The following EPHB2 variants were observed in gnomAD, a reference collection of about 807,000 sequenced individuals.
EPHB2 encodes ephrin type-B receptor 2.
In EPHB2, 18 loss-of-function variants were observed where a neutral mutation model predicts 96.4. That is an observed-to-expected ratio of 0.19 (90% CI 0.13 to 0.28). The LOEUF (loss-of-function observed/expected upper bound fraction) is 0.28. Ranked by LOEUF, EPHB2 falls within the 10% of genes least tolerant of loss-of-function variation. EPHB2 has a pLI of 1.00. For synonymous variants in EPHB2, 506 were observed against 534.1 expected, an observed-to-expected ratio of 0.95 and a Z score of 0.72; for missense variants, 989 against 1,355.4, an observed-to-expected ratio of 0.73 and a Z score of 4.25.
chr1:22,895,599 C>T lies in EPHB2; in HGVS notation c.1700+19C>T. 1 of 1,611,070 alleles carries T rather than the reference C, an allele frequency of 6.2e-7. No individual in the cohort carries two copies. The highest frequency in any genetic ancestry group is 8.5e-7 in the Non-Finnish European group (1 of 1,177,292). ...GTAACAGGTGGGTGGGGTCTCCAGG[C>T]TTGGCCAGGCCTGGCTGTCCCAGAT... is the stretch of plus-strand genomic sequence containing the variant. On this transcript the variant is annotated intron_variant, in intron 8 of 15. Coordinates refer to ENST00000374630, the MANE Select transcript of EPHB2 (RefSeq NM_017449.5).
At chr1:22,874,030 C>T (rs1369894541) in intron 5 of EPHB2, among the ~76,000 whole-genome samples, 1 of 152,192 alleles carries the variant, frequency 6.6e-6, no homozygotes, top group Non-Finnish European at 1.5e-5. Context: ...GGTAACTTGC[C>T]TGCAGTCACA....
intron 1 of EPHB2, among the ~76,000 whole-genome samples, chr1:22,722,619 AAGAGCC>A (rs1643492370): frequency 6.6e-6 from 1 of 152,210 alleles, no homozygotes; most frequent in Non-Finnish European, 1.5e-5. Flanking sequence ...CCAGGAACGT[AAGAGCC>A]ATCTTGCAGG....
chr1:22,880,269 C>T (rs544099045), intron 5 of EPHB2, among the ~76,000 whole-genome samples: 1 of 152,304 alleles, frequency 6.6e-6, no homozygotes, highest in South Asian at 2.1e-4. Context: ...GCCTTCAAAC[C>T]CCACAGCTGA....
At chr1:22,745,424 C>T (rs1384656021) in intron 1 of EPHB2, among the ~76,000 whole-genome samples, 4 of 152,226 alleles carry the variant, frequency 2.6e-5, no homozygotes, top group African/African-American at 7.2e-5. Context: ...AAGTCAGGAT[C>T]GCGATTGCCT....
At chr1:22,718,685 G>A (rs777859279) in intron 1 of EPHB2, among the ~76,000 whole-genome samples, 13 of 152,158 alleles carry the variant, frequency 8.5e-5, no homozygotes, top group Admixed American at 3.3e-4. Context: ...ACCGCGCCCA[G>A]CAGCTGTCAA....
rs1275680859 is a variant in EPHB2, at chr1:22,920,256, G to A, written c.*6686G>A. 6.6e-6 allele frequency: 1 copy of A among 152,284 alleles called. No homozygotes were observed. Among genetic ancestry groups the A allele is most frequent in the Admixed American group, 6.5e-5 (1 of 15,286 alleles). 9.4% of individuals were successfully genotyped at this position (152,284 alleles called of 1,614,324 possible). A position where few individuals can be genotyped will look rare whatever the true frequency, so the allele number is the denominator to read the frequency against. On this transcript the variant is annotated 3_prime_UTR_variant, in exon 16 of 16. Coordinates refer to ENST00000374630, the MANE Select transcript of EPHB2 (RefSeq NM_017449.5). ...AGTGCCCACTGGCTGGTGGACCTAGGAACCAAGCAGGGCCCCACTGGCTCA... is the reference window on the plus strand; with the variant it reads ...AGTGCCCACTGGCTGGTGGACCTAGAAACCAAGCAGGGCCCCACTGGCTCA...
At chr1:22,889,862 A>T (rs1026492620) in intron 6 of EPHB2, among the ~76,000 whole-genome samples, 1 of 152,232 alleles carries the variant, frequency 6.6e-6, no homozygotes, top group African/African-American at 2.4e-5. Context: ...TTTTAGTACA[A>T]ATATGTCCCA....
At chr1:22,886,231 C>G (rs1338785475) in intron 6 of EPHB2, among the ~76,000 whole-genome samples, 2 of 152,160 alleles carry the variant, frequency 1.3e-5, no homozygotes, top group South Asian at 2.1e-4. Flanking sequence ...CACAGTTGTT[C>G]TAGGCATCAG....
chr1:22,724,281 T>G (rs1225751894), intron 1 of EPHB2, among the ~76,000 whole-genome samples: 1 of 152,218 alleles, frequency 6.6e-6, no homozygotes, highest in Non-Finnish European at 1.5e-5. Flanking sequence ...ATATATTTTT[T>G]CTGAACCATT....
At chr1:22,874,523 A>G (rs1202163116) in intron 5 of EPHB2, among the ~76,000 whole-genome samples, 1 of 152,196 alleles carries the variant, frequency 6.6e-6, no homozygotes, top group Non-Finnish European at 1.5e-5. Flanking sequence ...CCAGGGGTAG[A>G]AGAAACCAAC....
chr1:22,723,773 T>C (rs1391496959), intron 1 of EPHB2, among the ~76,000 whole-genome samples: 1 of 152,238 alleles, frequency 6.6e-6, no homozygotes. Flanking sequence ...ATGGTGTTGT[T>C]TGAGGAATTA....
At chr1:22,870,492 A>G (rs1363525493) in intron 5 of EPHB2, among the ~76,000 whole-genome samples, 1 of 152,148 alleles carries the variant, frequency 6.6e-6, no homozygotes, top group Non-Finnish European at 1.5e-5. Flanking sequence ...ACCATAGCAG[A>G]GAGGGGCAGG....
intron 3 of EPHB2, among the ~76,000 whole-genome samples, chr1:22,818,008 G>A (rs568921753): frequency 6.6e-5 from 10 of 152,292 alleles, no homozygotes; most frequent in African/African-American, 2.2e-4. Flanking sequence ...AGGGCAGCCC[G>A]AGTGATAGGA....
Position 22,754,113 on chromosome 1 carries a change from A to T in EPHB2, c.62-27308A>T, listed in dbSNP as rs377753133. ...GGGCTCCTTAGGGGGCACCCCAGAG[A>T]CACTGGACCCTCTGTGGCCACCCCA... On this transcript the variant is annotated intron_variant, in intron 1 of 15. Transcript: ENST00000374630. 1.4e-4 allele frequency among the ~76,000 whole-genome samples: 22 copies of T among 152,250 alleles called. 1 individual carries two copies. Among genetic ancestry groups the T allele is most frequent in the African/African-American group, 5.1e-4 (21 of 41,550 alleles).
intron 3 of EPHB2, among the ~76,000 whole-genome samples, chr1:22,792,435 C>T (rs984120956): frequency 3.9e-5 from 6 of 152,138 alleles, no homozygotes; most frequent in Non-Finnish European, 5.9e-5. Context: ...AGGGCTGAGA[C>T]CACACAGGCC....
rs561066211 is a variant in EPHB2, at chr1:22,790,718, G to A, written c.811+5642G>A. Among the ~76,000 whole-genome samples the A allele has an allele frequency of 1.3e-5, 2 of 152,254 alleles. No homozygotes were observed. Among genetic ancestry groups the A allele is most frequent in the Non-Finnish European group, 2.9e-5 (2 of 68,042 alleles). ...AACCCGCATCTGCGAGGGATCTGGA[G>A]GCAGTTCCGCAGTGAGCATGATTGC... On this transcript the variant is annotated intron_variant, in intron 3 of 15. Transcript: ENST00000374630. This position sits in a 1 kb window ranked among gnomAD's most constrained non-coding sequence, Gnocchi z 4.0.
At chr1:22,843,845 G>A (rs1206921887) in intron 3 of EPHB2, among the ~76,000 whole-genome samples, 2 of 152,206 alleles carry the variant, frequency 1.3e-5, no homozygotes, top group Non-Finnish European at 2.9e-5. Flanking sequence ...CCAGCCTCTT[G>A]TTCCCTTCTT....
At chr1:22,900,521 G>T (rs1192760413) in intron 9 of EPHB2, among the ~76,000 whole-genome samples, 1 of 152,144 alleles carries the variant, frequency 6.6e-6, no homozygotes, top group Non-Finnish European at 1.5e-5. Context: ...TGGAGCAGGG[G>T]TATGAACTCC....
At chr1:22,758,427 G>T (rs1030596082) in intron 1 of EPHB2, among the ~76,000 whole-genome samples, 10 of 152,048 alleles carry the variant, frequency 6.6e-5, no homozygotes, top group African/African-American at 2.4e-4. Flanking sequence ...GCAGCCCGTC[G>T]TAAGGGCACC....
Sources: allele counts gnomAD v4.1 joint callset (sites outside exome capture counted in the v4.1 genomes callset), GRCh38; gene constraint gnomAD v4.1.1; non-coding constraint Gnocchi (gnomAD v3.1); transcripts MANE v1.5; gene names NCBI Gene and HGNC (gene_info 2026-07-23, HGNC 2026-07-21).